The following CSMD3 variants were observed in gnomAD, a reference collection of about 807,000 sequenced individuals.
The protein encoded by CSMD3 is CUB and sushi domain-containing protein 3.
Under a neutral mutation model 435.2 loss-of-function variants are expected in CSMD3, and 177 were observed. That is an observed-to-expected ratio of 0.41 (90% CI 0.36 to 0.46). CSMD3 has a LOEUF of 0.46. Ranked by LOEUF, CSMD3 falls within the 20% of genes least tolerant of loss-of-function variation. CSMD3 has a pLI of 0.34. For missense variants in CSMD3, 4,265 were observed against 4,504.6 expected (o/e 0.95, Z 1.52); for synonymous variants, 1,656 against 1,520.5 (o/e 1.09, Z -2.07).
intron 4 of CSMD3, among the ~76,000 whole-genome samples, chr8:113,102,258 T>G (rs1244493895): frequency 6.6e-6 from 1 of 152,140 alleles, no homozygotes; most frequent in Non-Finnish European, 1.5e-5. Flanking sequence ...TCACAGAAGG[T>G]TGTTCCATAG....
chr8:112,390,592 T>C (rs1830323774), intron 36 of CSMD3, 72 bp downstream of exon 36: 10 of 1,256,496 alleles, frequency 8.0e-6, no homozygotes, highest in Non-Finnish European at 1.2e-5. Context: ...AGAAATAATG[T>C]TCATTCTGTC....
intron 9 of CSMD3, among the ~76,000 whole-genome samples, chr8:112,938,460 A>G (rs1440108672): frequency 6.6e-6 from 1 of 152,194 alleles, no homozygotes; most frequent in Non-Finnish European, 1.5e-5. Context: ...AAAAGTTATA[A>G]GAAACCAAGG....
At chr8:113,422,069 G>T (rs956948548) in intron 1 of CSMD3, among the ~76,000 whole-genome samples, 1 of 152,048 alleles carries the variant, frequency 6.6e-6, no homozygotes, top group Non-Finnish European at 1.5e-5. Flanking sequence ...CCTGTAAATC[G>T]TTTACTAATC....
At chr8:113,164,014 T>C (rs1035852892) in intron 4 of CSMD3, among the ~76,000 whole-genome samples, 1 of 152,076 alleles carries the variant, frequency 6.6e-6, no homozygotes, top group Non-Finnish European at 1.5e-5. Context: ...TCCAGTAAGT[T>C]TGGTTTTCAT....
chr8:113,265,273 G>C (rs2132380279), intron 3 of CSMD3, among the ~76,000 whole-genome samples: 1 of 151,608 alleles, frequency 6.6e-6, no homozygotes, highest in East Asian at 1.9e-4. Context: ...AATAAGTGAA[G>C]TGTGTGCAGG....
intron 23 of CSMD3, among the ~76,000 whole-genome samples, chr8:112,578,530 G>C (rs1017646958): frequency 6.6e-6 from 1 of 151,832 alleles, no homozygotes; most frequent in Non-Finnish European, 1.5e-5. Flanking sequence ...ACAGCAAGCA[G>C]AATTGGCAGA....
rs768146203 is a variant in CSMD3, at chr8:112,319,927, A to G, written c.7220T>C (p.Leu2407Ser). Reference protein sequence around the residue: ...PPPPVPNAEILTEDDEFEIGD... With the variant: ...PPPPVPNAEISTEDDEFEIGD... ...TATTTCAAATTCATCATCTTCCGTC[A>G]AAATTTCAGCATTGGGCACAGGTGG... The change falls in exon 46 of 71, where the codon TTG (leucine) becomes TCG (serine). Residue 2407 changes from leucine to serine, a missense_variant. Coordinates refer to ENST00000297405, the MANE Select transcript of CSMD3 (RefSeq NM_198123.2). The G allele has an allele frequency of 6.2e-7, 1 of 1,612,826 alleles. No homozygotes were observed.
intron 13 of CSMD3, among the ~76,000 whole-genome samples, chr8:112,786,397 C>A (rs907154313): frequency 6.6e-6 from 1 of 151,960 alleles, no homozygotes; most frequent in Non-Finnish European, 1.5e-5. Context: ...AAAGCACAGG[C>A]AGCCAAAGCA....
At chr8:113,337,387 T>C (rs1490377957) in intron 1 of CSMD3, among the ~76,000 whole-genome samples, 1 of 152,072 alleles carries the variant, frequency 6.6e-6, no homozygotes, top group African/African-American at 2.4e-5. Flanking sequence ...GAAAATTTAA[T>C]TGAGAAAATA....
chr8:112,410,157 A>G (rs1286364703), intron 32 of CSMD3, among the ~76,000 whole-genome samples: 1 of 151,904 alleles, frequency 6.6e-6, no homozygotes, highest in African/African-American at 2.4e-5. Context: ...TATACACATA[A>G]TATGGCAAAC....
intron 10 of CSMD3, among the ~76,000 whole-genome samples, chr8:112,862,731 CTTGTG>C (rs1170485934): frequency 6.6e-6 from 1 of 151,928 alleles, no homozygotes; most frequent in East Asian, 1.9e-4. Context: ...GTGCTTTATA[CTTGTG>C]TTATTATTGT....
chr8:112,620,836 G>A (rs909596733), intron 22 of CSMD3, among the ~76,000 whole-genome samples: 4 of 152,088 alleles, frequency 2.6e-5, no homozygotes, highest in Admixed American at 6.6e-5. Flanking sequence ...CCAATTTGAG[G>A]ATTGCTTTTA....
chr8:112,644,306 G>A (rs1408535739), intron 20 of CSMD3, among the ~76,000 whole-genome samples: 2 of 151,810 alleles, frequency 1.3e-5, no homozygotes, highest in Non-Finnish European at 2.9e-5. Context: ...TTGCAAAAAT[G>A]GATGGTAAAT....
chr8:113,005,725 T>C (rs950153859), intron 6 of CSMD3, among the ~76,000 whole-genome samples: 10 of 152,038 alleles, frequency 6.6e-5, no homozygotes, highest in African/African-American at 2.4e-4. Context: ...TTCATACATT[T>C]AGATTATCAG....
At chr8:112,701,048 T>C in intron 13 of CSMD3, among the ~76,000 whole-genome samples, 1 of 152,160 alleles carries the variant, frequency 6.6e-6, no homozygotes, top group Middle Eastern at 3.2e-3. Flanking sequence ...AATTTCTCTG[T>C]TTATATAACT....
At chr8:112,765,682 T>C (rs1218174268) in intron 13 of CSMD3, among the ~76,000 whole-genome samples, 1 of 151,756 alleles carries the variant, frequency 6.6e-6, no homozygotes, top group Non-Finnish European at 1.5e-5. Context: ...CTAGAATTTT[T>C]TCCCATGTCC....
At chr8:112,314,280 TG>T (rs1349744881) in intron 48 of CSMD3, 148 bp downstream of exon 48, 5 of 680,358 alleles carry the variant, frequency 7.3e-6, no homozygotes, top group South Asian at 3.8e-5. Context: ...AATTTTCATA[TG>T]GTATAGGAGT....
rs1193159031 is a variant in CSMD3 at position 113,302,234 on chromosome 8, TATATA to T, written c.401+12332_401+12336del. On this transcript the variant is annotated intron_variant, in intron 2 of 70. Transcript: ENST00000297405. ...CACCTGTATATATAATATAATATAA[TATATA>T]ATATAATATATATTATATAAAATAT... 1.6e-3 allele frequency among the ~76,000 whole-genome samples: 30 copies of T among 18,934 alleles called. No individual in the cohort carries two copies. In the East Asian group the frequency reaches 0.062, roughly 39 times the overall value. The allele number at this position is 18,934 out of a possible 152,430, so 12.4% of individuals were successfully genotyped here.
chr8:113,116,012 C>T (rs1004061674), intron 4 of CSMD3, among the ~76,000 whole-genome samples: 1 of 152,178 alleles, frequency 6.6e-6, no homozygotes, highest in African/African-American at 2.4e-5. Flanking sequence ...TCACCAGACA[C>T]TGTATCTGCC....
Sources: allele counts gnomAD v4.1 joint callset (sites outside exome capture counted in the v4.1 genomes callset), GRCh38; gene constraint gnomAD v4.1.1; transcripts MANE v1.5; gene names NCBI Gene and HGNC (gene_info 2026-07-23, HGNC 2026-07-21).